The following GRAMD2B variants were observed in gnomAD, a reference collection of about 807,000 sequenced individuals.
GRAMD2B encodes the protein GRAM domain containing 2B, also known as GRAM domain-containing protein 2B.
In GRAMD2B, 41 loss-of-function variants were observed where a neutral mutation model predicts 59.2. That is an observed-to-expected ratio of 0.69 (90% confidence interval 0.54 to 0.90). The LOEUF is 0.90. Among genes scored for constraint, GRAMD2B ranks in the 40% least tolerant of loss-of-function variants. The pLI is 0.00. For synonymous variants in GRAMD2B, 161 were observed against 182.7 expected (o/e 0.88, Z 0.96); for missense variants, 424 against 500.5 (o/e 0.85, Z 1.46).
chr5:126,459,155 T>C (rs998682090), intron 1 of GRAMD2B: 33 of 152,364 alleles, frequency 2.2e-4, no homozygotes, highest in African/African-American at 7.7e-4. Flanking sequence ...TTGACGGTTT[T>C]GCTGAAATTA....
intron 9 of GRAMD2B, 143 bp from the exon 10 acceptor site, chr5:126,484,259 C>T: frequency 3.4e-6 from 3 of 893,268 alleles, no homozygotes; most frequent in Non-Finnish European, 5.0e-6. Flanking sequence ...AATTTCAGCC[C>T]CAGCCACCAC....
At chr5:126,369,683 G>T (rs187852573), upstream of GRAMD2B, among the ~76,000 whole-genome samples, 17 of 152,292 alleles carry the variant, frequency 1.1e-4, no homozygotes, top group East Asian at 2.9e-3. Context: ...TACGAGGAAA[G>T]CTTATCTATT....
chr5:126,422,916 C>CA (rs1358975678), upstream of GRAMD2B, among the ~76,000 whole-genome samples: 1 of 108,746 alleles, frequency 9.2e-6, no homozygotes, highest in African/African-American at 4.3e-5. Context: ...CCTCTAACCA[C>CA]CCCCCCCACC....
chr5:126,475,781 A>G (rs1045476547), intron 5 of GRAMD2B, among the ~76,000 whole-genome samples: 20 of 152,216 alleles, frequency 1.3e-4, no homozygotes, highest in African/African-American at 4.6e-4. Context: ...CCTGACCAAC[A>G]TGGAGAAATC....
intron 1 of GRAMD2B, among the ~76,000 whole-genome samples, chr5:126,399,149 T>C (rs1757613080): frequency 6.6e-6 from 1 of 152,194 alleles, no homozygotes; most frequent in Non-Finnish European, 1.5e-5. Context: ...TGTTTCATTA[T>C]CAATTTTCTG....
upstream of GRAMD2B, chr5:126,371,280 CTT>C: frequency 1.8e-6 from 2 of 1,104,002 alleles, no homozygotes; most frequent in Non-Finnish European, 2.2e-6. Context: ...CATTAACTGA[CTT>C]TTAAAAACAT....
chr5:126,400,788 T>G (rs1016044563), intron 1 of GRAMD2B, among the ~76,000 whole-genome samples: 1 of 152,136 alleles, frequency 6.6e-6, no homozygotes, highest in African/African-American at 2.4e-5. Flanking sequence ...TCTCCTGGCA[T>G]GCTAGTTTCT....
At chr5:126,381,457 T>C (rs1017179637) in intron 1 of GRAMD2B, among the ~76,000 whole-genome samples, 4 of 152,154 alleles carry the variant, frequency 2.6e-5, no homozygotes, top group Admixed American at 6.5e-5. Flanking sequence ...CTTTGTCTAT[T>C]TTAACTGTTG....
chr5:126,416,903 C>G (rs1177538444), intron 1 of GRAMD2B, among the ~76,000 whole-genome samples: 1 of 152,222 alleles, frequency 6.6e-6, no homozygotes, highest in Non-Finnish European at 1.5e-5. Flanking sequence ...CTTTACATCT[C>G]TTACTCATTG....
intron 1 of GRAMD2B, among the ~76,000 whole-genome samples, chr5:126,373,024 AAACCCACATC>A (rs1261540460): frequency 6.6e-6 from 1 of 152,204 alleles, no homozygotes; most frequent in East Asian, 1.9e-4. Flanking sequence ...AAGTAAAATA[AAACCCACATC>A]AACTTAAATT....
chr5:126,427,211 A>G (rs1272047442), intron 1 of GRAMD2B, among the ~76,000 whole-genome samples: 3 of 152,216 alleles, frequency 2.0e-5, no homozygotes, highest in African/African-American at 4.8e-5. Context: ...TGCTGCACCC[A>G]TCAACCCATC....
intron 1 of GRAMD2B, among the ~76,000 whole-genome samples, chr5:126,417,415 A>G (rs1253157760): frequency 6.6e-6 from 1 of 152,214 alleles, no homozygotes; most frequent in Non-Finnish European, 1.5e-5. Context: ...AGACACTGAA[A>G]TGCTCAGCTA....
At chr5:126,429,314 A>G (rs1027057338) in intron 1 of GRAMD2B, among the ~76,000 whole-genome samples, 1 of 152,208 alleles carries the variant, frequency 6.6e-6, no homozygotes, top group African/African-American at 2.4e-5. Context: ...GTTCTCACTT[A>G]TAAGTGGGAG....
chr5:126,474,999 G>T (rs755649348), intron 5 of GRAMD2B, among the ~76,000 whole-genome samples: 7 of 152,160 alleles, frequency 4.6e-5, no homozygotes, highest in Non-Finnish European at 7.3e-5. Context: ...ACTGCCAATG[G>T]ACCTCAGTCC....
chr5:126,410,264 A>G (rs1473015614), intron 1 of GRAMD2B, among the ~76,000 whole-genome samples: 2 of 151,914 alleles, frequency 1.3e-5, no homozygotes, highest in African/African-American at 2.4e-5. Flanking sequence ...CATTGAATCT[A>G]TAAATTACCT....
chr5:126,365,903 G>A (rs1223450059), intron 1 of GRAMD2B, among the ~76,000 whole-genome samples: 1 of 152,068 alleles, frequency 6.6e-6, no homozygotes, highest in Non-Finnish European at 1.5e-5. Flanking sequence ...AGGAACTTGG[G>A]TTTTCAAATT....
At position 126,480,688 on chromosome 5, in the gene GRAMD2B, G is replaced by T; in HGVS notation, c.716G>T (p.Arg239Leu). The T allele has an allele frequency of 1.2e-6, 2 of 1,613,914 alleles. No homozygotes were observed. Among genetic ancestry groups the T allele is most frequent in the Non-Finnish European group, 1.7e-6 (2 of 1,179,806 alleles). ...GCTGAAAACAGTTTCCGAGCAGACC[G>T]CCCTTCATCTCTGCCTCTGGTAAGT... The part of the protein sequence containing the change: ...SSAENSFRAD[R>L]PSSLPLDFND... Residue 239 changes from arginine (R) to leucine (L), a missense_variant, in exon 8 of 14, where the codon CGC becomes CTC. By Grantham distance (102) the Arg-to-Leu change is moderately radical (BLOSUM62 -2). Transcript: ENST00000285689.
In GRAMD2B at chr5:126,459,940, C is replaced by A. The variant is rs527579097; in HGVS notation, c.84-5486C>A. On this transcript the variant is annotated intron_variant, in intron 1 of 13. Coordinates refer to ENST00000285689, the MANE Select transcript of GRAMD2B (RefSeq NM_023927.4). ...GCAGTTCCATTTCCAGAAAATTATTCACACATGTAATAAACATATAAGGAC... is the reference window on the plus strand; with the variant it reads ...GCAGTTCCATTTCCAGAAAATTATTAACACATGTAATAAACATATAAGGAC... Among the ~76,000 whole-genome samples, 5 of 152,276 alleles carry A rather than the reference C, an allele frequency of 3.3e-5. No homozygotes were observed. The East Asian group carries it at 9.6e-4, about 29-fold the overall frequency.
rs530214470 is a variant in GRAMD2B, at chr5:126,398,822, C to A, written c.125+27255C>A. On this transcript the variant is annotated intron_variant, in intron 1 of 8. Transcript: ENST00000506445. ...TTTCATTTTGCTTTGTCTGGAGATG[C>A]TTCTTAAGTTATCTTTTGAGTTTCT... 7.2e-5 allele frequency among the ~76,000 whole-genome samples: 11 copies of A among 152,248 alleles called. No individual in the cohort carries two copies. The South Asian group carries it at 2.3e-3, about 32-fold the overall frequency.
Sources: gnomAD v4.1 joint callset for allele counts (sites outside exome capture counted in the v4.1 genomes callset) on GRCh38, gnomAD v4.1.1 for gene constraint, MANE v1.5 for transcripts, NCBI Gene and HGNC (gene_info 2026-07-23, HGNC 2026-07-21) for gene names.